Variants in ZMYM4 observed in about 807,000 individuals in gnomAD.
ZMYM4 encodes zinc finger MYM-type protein 4.
In ZMYM4, 31 loss-of-function variants were observed where a neutral mutation model predicts 183.2. That is an observed-to-expected ratio of 0.17 (90% CI 0.13 to 0.23). The LOEUF is 0.23. Ranked by LOEUF, ZMYM4 falls within the 10% of genes least tolerant of loss-of-function variation. The pLI, the probability that ZMYM4 is intolerant of heterozygous loss-of-function variation, is 1.00. For missense variants in ZMYM4, 1,273 were observed against 1,840.3 expected, an observed-to-expected ratio of 0.69 and a Z score of 5.64; for synonymous variants, 592 against 631.2, an observed-to-expected ratio of 0.94 and a Z score of 0.93.
At chr1:35,309,850 A>G (rs1050204593) in intron 1 of ZMYM4, among the ~76,000 whole-genome samples, 2 of 151,788 alleles carry the variant, frequency 1.3e-5, no homozygotes, top group Non-Finnish European at 2.9e-5. Context: ...GTAATTCTAT[A>G]ACAGAACTAT....
At chr1:35,377,757 TC>T (rs1271492724) in intron 7 of ZMYM4, among the ~76,000 whole-genome samples, 1 of 152,230 alleles carries the variant, frequency 6.6e-6, no homozygotes, top group Non-Finnish European at 1.5e-5. Context: ...CAGTCTTGTT[TC>T]AATGTTGATG....
chr1:35,355,003 A>G lies in ZMYM4; in HGVS notation c.86-3922A>G, dbSNP rs529398449. Among the ~76,000 whole-genome samples the G allele has an allele frequency of 1.5e-3, 225 of 151,690 alleles. 1 individual carries two copies. Among genetic ancestry groups the G allele is most frequent in the Admixed American group, 3.5e-3 (54 of 15,254 alleles). On this transcript the variant is annotated intron_variant, in intron 2 of 29. Transcript: ENST00000314607. ...GGCCATAGTTTCCTAATTTTGGCCTATAATATAGCTGCAAGACTTTATTTT... is the reference window on the plus strand; with the variant it reads ...GGCCATAGTTTCCTAATTTTGGCCTGTAATATAGCTGCAAGACTTTATTTT...
At chr1:35,357,929 A>G (rs2148901481) in intron 2 of ZMYM4, among the ~76,000 whole-genome samples, 1 of 152,344 alleles carries the variant, frequency 6.6e-6, no homozygotes, top group East Asian at 1.9e-4. Context: ...CCATGTGAAC[A>G]GAAGAAGAGT....
intron 5 of ZMYM4, among the ~76,000 whole-genome samples, chr1:35,363,457 T>G (rs922209301): frequency 8.5e-5 from 13 of 152,088 alleles, no homozygotes; most frequent in African/African-American, 3.1e-4. Flanking sequence ...CTTGCCAATT[T>G]TAACAAAAAA....
At chr1:35,304,789 G>T (rs1252857318) in intron 1 of ZMYM4, among the ~76,000 whole-genome samples, 1 of 151,704 alleles carries the variant, frequency 6.6e-6, no homozygotes, top group African/African-American at 2.4e-5. Flanking sequence ...GATTTCTATC[G>T]ATGCTCTTTT....
chr1:35,315,423 T>TA (rs1253210215), intron 1 of ZMYM4, among the ~76,000 whole-genome samples: 2 of 152,188 alleles, frequency 1.3e-5, no homozygotes, highest in African/African-American at 2.4e-5. Context: ...TAAAAAAAAT[T>TA]ACTACCAGCA....
At chr1:35,283,239 T>C (rs77675015) in intron 1 of ZMYM4, among the ~76,000 whole-genome samples, 1 of 148,060 alleles carries the variant, frequency 6.8e-6, no homozygotes, top group Non-Finnish European at 1.5e-5. Context: ...AGTCTTGAAC[T>C]CCTGACCTCA....
At position 35,325,377 on chromosome 1, in the gene ZMYM4, T is replaced by A; in HGVS notation, c.57T>A (p.Gly19=). ...TTTTCCAGTTTGAACAAAAAAGTGG[T>A]GCAGTTTTTGATGAAATTGTAGAGA... is the stretch of plus-strand genomic sequence containing the variant. ...GPRKRFEQKS[G]AVFDEIVENC... is the part of the protein sequence containing the mutation. The change falls in exon 2 of 30, where the codon GGT becomes GGA. Residue 19 remains glycine, a synonymous_variant. Transcript: ENST00000314607. 1.2e-6 allele frequency: 2 copies of A among 1,604,424 alleles called. No homozygotes were observed. Among genetic ancestry groups the A allele is most frequent in the Non-Finnish European group, 1.7e-6 (2 of 1,174,808 alleles).
At chr1:35,380,298 ATTAT>A (rs765084132) in intron 7 of ZMYM4, among the ~76,000 whole-genome samples, 43 of 151,720 alleles carry the variant, frequency 2.8e-4, no homozygotes, top group Admixed American at 1.5e-3. Flanking sequence ...ATTGGTTTTT[ATTAT>A]TTATTTATTT....
In ZMYM4 at chr1:35,387,649, T is replaced by A. The variant is rs760211869; in HGVS notation, c.2263+45T>A. The A allele has an allele frequency of 3.2e-6, 5 of 1,559,042 alleles. No homozygotes were observed. The South Asian group carries it at 6.2e-5, about 19-fold the overall frequency. On this transcript the variant is annotated intron_variant, in intron 13 of 29. Coordinates refer to ENST00000314607, the MANE Select transcript of ZMYM4 (RefSeq NM_005095.3). Reference sequence around the variant, plus strand: ...TTACCTACTGAGCATGTTGGTTGTTTTAAAGCAGTTGATGATGATTTAAGC... The same window carrying A: ...TTACCTACTGAGCATGTTGGTTGTTATAAAGCAGTTGATGATGATTTAAGC...
chr1:35,355,290 G>A (rs1200245407), intron 2 of ZMYM4, among the ~76,000 whole-genome samples: 5 of 136,268 alleles, frequency 3.7e-5, no homozygotes, highest in African/African-American at 8.3e-5. Context: ...CTCATGATCC[G>A]CCCACCTTGG....
chr1:35,305,567 C>T lies in ZMYM4; in HGVS notation c.40-19793C>T, dbSNP rs529782826. Among the ~76,000 whole-genome samples, 4 of 150,906 alleles carry T rather than the reference C, an allele frequency of 2.7e-5. No homozygotes were observed. In the South Asian group the frequency reaches 6.3e-4, roughly 24 times the overall value. Reference sequence around the variant, plus strand: ...GTTTTCTCTTCTTTTTTTTTAGAGACAGTGTCTTGCTCATCACCCAGGCTG... The same window carrying T: ...GTTTTCTCTTCTTTTTTTTTAGAGATAGTGTCTTGCTCATCACCCAGGCTG... On this transcript the variant is annotated intron_variant, in intron 1 of 29. Transcript: ENST00000314607.
Position 35,416,557 on chromosome 1 carries a change from T to TTTTA in ZMYM4, c.4309+863_4309+866dup, listed in dbSNP as rs561230677. Among the ~76,000 whole-genome samples the TTTTA allele has an allele frequency of 1.0e-3, 158 of 152,062 alleles. 1 individual carries two copies. Among genetic ancestry groups the TTTTA allele is most frequent in the Non-Finnish European group, 2.0e-3 (135 of 67,956 alleles). Reference sequence around the variant, plus strand: ...AACCCACTTTGTGCTCTCAATTGATTTTTATTTATTTATTTATTTATTTTG... The same window carrying TTTTA: ...AACCCACTTTGTGCTCTCAATTGATTTTTATTTATTTATTTATTTATTTATTTTG... On this transcript the variant is annotated intron_variant, in intron 28 of 29. Coordinates refer to ENST00000314607, the MANE Select transcript of ZMYM4 (RefSeq NM_005095.3).
rs770788739 is a variant in ZMYM4, at chr1:35,390,014, A to G, written c.2503A>G (p.Met835Val). 3.1e-6 allele frequency: 5 copies of G among 1,613,870 alleles called. No homozygotes were observed. The African/African-American group carries it at 4.0e-5, about 13-fold the overall frequency. The change falls in exon 15 of 30, where the codon ATG becomes GTG. Residue 835 changes from methionine (M) to valine (V), a missense_variant. Met to Val is a conservative substitution (Grantham distance 21). Transcript: ENST00000314607. Reference protein sequence around the residue: ...LSESLKWRGEMKHFCNLLCIL... With the variant: ...LSESLKWRGEVKHFCNLLCIL... ...TGAGTCCTTGAAATGGCGAGGGGAA[A>G]TGAAACATTTCTGTAACCTGCTTTG...
At chr1:35,327,803 G>A (rs753841541) in intron 2 of ZMYM4, among the ~76,000 whole-genome samples, 7 of 152,088 alleles carry the variant, frequency 4.6e-5, no homozygotes, top group African/African-American at 7.2e-5. Context: ...ATATTCCCAC[G>A]ATTTTTAATC....
Position 35,418,482 on chromosome 1 carries a change from A to T in ZMYM4, c.4349A>T (p.Asp1450Val). Residue 1450 changes from aspartate (D) to valine (V), a missense_variant, in exon 29 of 30, where the codon GAT becomes GTT. Physicochemically the swap from Asp to Val is radical, Grantham distance 152 (BLOSUM62 -3). This residue lies in a region of ZMYM4 where 145 missense variants were observed against 331.6 expected (regional missense o/e 0.44). Transcript: ENST00000314607. ...GGCAAGAGGAAACGAAATGAAGATG[A>T]TGAGGTTCCAGTGGGGGTGGAGATG... ...TVGKRKRNED[D>V]EVPVGVEMAE... 1 of 1,614,110 alleles carries T rather than the reference A, an allele frequency of 6.2e-7. No homozygotes were observed. The highest frequency in any genetic ancestry group is 1.1e-5 in the South Asian group (1 of 91,070).
At chr1:35,371,777 T>C (rs1206863578) in intron 7 of ZMYM4, among the ~76,000 whole-genome samples, 1 of 152,226 alleles carries the variant, frequency 6.6e-6, no homozygotes, top group Non-Finnish European at 1.5e-5. Context: ...AATTTAAATA[T>C]GGTTAGAAGT....
intron 2 of ZMYM4, among the ~76,000 whole-genome samples, chr1:35,331,646 G>A (rs1642751224): frequency 1.3e-5 from 2 of 151,886 alleles, no homozygotes; most frequent in Admixed American, 6.6e-5. Flanking sequence ...AATTCACTGG[G>A]TGTGGTGGCG....
At chr1:35,283,451 C>T (rs924536315) in intron 1 of ZMYM4, among the ~76,000 whole-genome samples, 4 of 149,928 alleles carry the variant, frequency 2.7e-5, no homozygotes, top group African/African-American at 9.9e-5. Flanking sequence ...CATTCTCCTG[C>T]CTCAGCCTCC....
Sources: gnomAD v4.1 joint callset for allele counts (sites outside exome capture counted in the v4.1 genomes callset) on GRCh38, gnomAD v4.1.1 for gene constraint, gnomAD v4.1.1 regional missense constraint, MANE v1.5 for transcripts, NCBI Gene and HGNC (gene_info 2026-07-23, HGNC 2026-07-21) for gene names.